Variants in EFHD2 observed in about 807,000 individuals in gnomAD.
The protein encoded by EFHD2 is EF-hand domain family member D2.
In EFHD2, 12 loss-of-function variants were observed where a neutral mutation model predicts 20.3. The ratio of observed to expected loss-of-function variants is 0.59; its 90% CI spans 0.38 to 0.96. The LOEUF (loss-of-function observed/expected upper bound fraction) is 0.96. Ranked by LOEUF, EFHD2 falls within the 40% of genes least tolerant of loss-of-function variation. The pLI is 0.00. For synonymous variants in EFHD2, 131 were observed against 143.9 expected (o/e 0.91, Z 0.64); for missense variants, 250 against 334.3 (o/e 0.75, Z 1.97).
At position 15,430,296 on chromosome 1, in the gene EFHD2, G is replaced by C. The variant is rs962243475; in HGVS notation, c.*1572G>C. 1 of 149,104 alleles carries C rather than the reference G, an allele frequency of 6.7e-6. No individual in the cohort carries two copies. Among genetic ancestry groups the C allele is most frequent in the Non-Finnish European group, 1.5e-5 (1 of 67,694 alleles). The allele number at this position is 149,104 out of a possible 1,614,324, so 9.2% of individuals were successfully genotyped here. On this transcript the variant is annotated 3_prime_UTR_variant, in exon 4 of 4. Coordinates refer to ENST00000375980, the MANE Select transcript of EFHD2 (RefSeq NM_024329.6). ...AAGCTACTTCTTCATTCCGTGGTACGATTATTTTTTTTAACTAAAGGAAGA... is the reference window on the plus strand; with the variant it reads ...AAGCTACTTCTTCATTCCGTGGTACCATTATTTTTTTTAACTAAAGGAAGA...
rs970959355 is a variant in EFHD2 at position 15,428,824 on chromosome 1, C to G, written c.*100C>G. 6.3e-5 allele frequency: 96 copies of G among 1,512,612 alleles called. No individual in the cohort carries two copies. Among genetic ancestry groups the G allele is most frequent in the Non-Finnish European group, 7.9e-5 (89 of 1,121,580 alleles). 93.7% of individuals were successfully genotyped at this position (1,512,612 alleles called of 1,614,324 possible). A position where few individuals can be genotyped will look rare whatever the true frequency, so the allele number is the denominator to read the frequency against. ...AATCCTTGCCTGTGTCTGACGGGAC[C>G]ACTACTAAAAACCTAAAAATATCTG... On this transcript the variant is annotated 3_prime_UTR_variant, in exon 4 of 4. Transcript: ENST00000375980.
chr1:15,422,304 G>T (rs1707806218), intron 1 of EFHD2, among the ~76,000 whole-genome samples: 1 of 151,522 alleles, frequency 6.6e-6, no homozygotes, highest in Non-Finnish European at 1.5e-5. Flanking sequence ...TGTTGGCCAG[G>T]ATGGTCTTGA....
chr1:15,425,771 G>T, intron 1 of EFHD2, 100 bp from the exon 2 acceptor site: 1 of 1,490,334 alleles, frequency 6.7e-7, no homozygotes, highest in East Asian at 2.5e-5. Context: ...TTTTATGGTT[G>T]GTAGGAGATG....
intron 1 of EFHD2, 62 bp from the exon 2 acceptor site, chr1:15,425,809 T>C: frequency 6.4e-7 from 1 of 1,573,064 alleles, no homozygotes; most frequent in South Asian, 1.2e-5. Context: ...CTCCTTGCAC[T>C]CAAGCCTGCG....
chr1:15,413,607 A>T lies in EFHD2; in HGVS notation c.308+3328A>T, dbSNP rs1372397802. Among the ~76,000 whole-genome samples the T allele has an allele frequency of 6.6e-6, 1 of 152,154 alleles. No homozygotes were observed. Among genetic ancestry groups the T allele is most frequent in the Admixed American group, 6.5e-5 (1 of 15,282 alleles). ...CAGCCATCACTGGTCTCACACCTAG[A>T]GTCATTCAGGTTCCTCCTGAGAGAG... On this transcript the variant is annotated intron_variant, in intron 1 of 3. Transcript: ENST00000375980. This position sits in a 1 kb window ranked among gnomAD's most constrained non-coding sequence, Gnocchi z 4.4.
intron 1 of EFHD2, among the ~76,000 whole-genome samples, chr1:15,417,631 G>A (rs1707698206): frequency 6.6e-6 from 1 of 152,214 alleles, no homozygotes; most frequent in Admixed American, 6.5e-5. Context: ...GAGATCAAGT[G>A]TGAGATTCCC....
chr1:15,418,711 A>C (rs1408768907), intron 1 of EFHD2, among the ~76,000 whole-genome samples: 1 of 152,220 alleles, frequency 6.6e-6, no homozygotes, highest in Non-Finnish European at 1.5e-5. Flanking sequence ...CTGCATCAGG[A>C]ATCTGATTTT....
chr1:15,427,229 A>G lies in EFHD2; in HGVS notation c.536A>G (p.Glu179Gly), dbSNP rs1264845848. ...CTGTGCGTGCTGGCCCGCCTCTCTG[A>G]GATCGACGTCTCCAGTGAGGGTGTC... ...SGLCVLARLS[E>G]IDVSSEGVKG... The change falls in exon 3 of 4, where the codon GAG (glutamate) becomes GGG (glycine). Residue 179 changes from glutamate (E) to glycine (G), a missense_variant. This residue lies in a region of EFHD2 where 100 missense variants were observed against 116.2 expected (regional missense o/e 0.86). Coordinates refer to ENST00000375980, the MANE Select transcript of EFHD2 (RefSeq NM_024329.6). 1 of 1,609,298 alleles carries G rather than the reference A, an allele frequency of 6.2e-7. No individual in the cohort carries two copies. The highest frequency in any genetic ancestry group is 1.7e-5 in the Admixed American group (1 of 59,234).
chr1:15,410,106 C>T lies in EFHD2; in HGVS notation c.135C>T (p.Ala45=). The T allele has an allele frequency of 1.3e-6, 2 of 1,497,364 alleles. No individual in the cohort carries two copies. Among genetic ancestry groups the T allele is most frequent in the Non-Finnish European group, 1.8e-6 (2 of 1,128,876 alleles). The allele number at this position is 1,497,364 out of a possible 1,614,324, so 92.8% of individuals were successfully genotyped here. The change falls in exon 1 of 4, where the codon GCC becomes GCT. Residue 45 remains alanine (A), a synonymous_variant. Coordinates refer to ENST00000375980, the MANE Select transcript of EFHD2 (RefSeq NM_024329.6). ...CGGCGGGGGCACCCGACGAGGCGGCCGAGGCGCTGGGCAGCGCGGACTGCG... is the reference window on the plus strand; with the variant it reads ...CGGCGGGGGCACCCGACGAGGCGGCTGAGGCGCTGGGCAGCGCGGACTGCG... The part of the protein sequence containing the change: ...AAAAGAPDEA[A]EALGSADCEL...
Position 15,428,779 on chromosome 1 carries a change from C to A in EFHD2, c.*55C>A. On this transcript the variant is annotated 3_prime_UTR_variant, in exon 4 of 4. Coordinates refer to ENST00000375980, the MANE Select transcript of EFHD2 (RefSeq NM_024329.6). ...GCCCCAGTGTGGTGGGCGAGGGTGG[C>A]GCATGGGAGGCCGAGCCTGAATCCT... 1.3e-6 allele frequency: 2 copies of A among 1,548,716 alleles called. No individual in the cohort carries two copies. The highest frequency in any genetic ancestry group is 1.7e-6 in the Non-Finnish European group (2 of 1,146,318).
intron 1 of EFHD2, among the ~76,000 whole-genome samples, chr1:15,421,059 T>G (rs1261628530): frequency 6.6e-6 from 1 of 152,198 alleles, no homozygotes; most frequent in Non-Finnish European, 1.5e-5. Context: ...GCCAAGAGTC[T>G]GCTTGTATCG....
At position 15,430,194 on chromosome 1, in the gene EFHD2, GT is replaced by G. The variant is rs200639825; in HGVS notation, c.*1477del. ...ATGTTTATACAGATGAATATAAAAT[GT>G]TTTTTTCTTTGGGCTTTTTGCTTCT... On this transcript the variant is annotated 3_prime_UTR_variant, in exon 4 of 4. Coordinates refer to ENST00000375980, the MANE Select transcript of EFHD2 (RefSeq NM_024329.6). 1,239 of 152,548 alleles carry G rather than the reference GT, an allele frequency of 8.1e-3. 10 individuals are homozygous for G. The highest frequency in any genetic ancestry group is 0.012 in the Non-Finnish European group (845 of 68,162). The allele number at this position is 152,548 out of a possible 1,614,324, so 9.4% of individuals were successfully genotyped here. A position where few individuals can be genotyped will look rare whatever the true frequency, so the allele number is the denominator to read the frequency against.
At chr1:15,427,925 C>T (rs746354870) in intron 3 of EFHD2, 8 of 469,960 alleles carry the variant, frequency 1.7e-5, no homozygotes, top group South Asian at 1.1e-4. Context: ...CTGGGCTCCC[C>T]GGACAGGAAG....
intron 1 of EFHD2, among the ~76,000 whole-genome samples, chr1:15,418,548 G>T (rs555149578): frequency 6.6e-6 from 1 of 151,800 alleles, no homozygotes; most frequent in Non-Finnish European, 1.5e-5. Context: ...CTTGTGATCC[G>T]CCCGCCTTGG....
At chr1:15,417,993 T>C (rs1259850844) in intron 1 of EFHD2, among the ~76,000 whole-genome samples, 1 of 141,308 alleles carries the variant, frequency 7.1e-6, no homozygotes, top group African/African-American at 2.6e-5. Context: ...TTTTTTTTTT[T>C]TTTTTTTTTT....
At chr1:15,416,163 C>T (rs1707666245) in intron 1 of EFHD2, among the ~76,000 whole-genome samples, 1 of 151,936 alleles carries the variant, frequency 6.6e-6, no homozygotes, top group African/African-American at 2.4e-5. Flanking sequence ...TTTGGTTCCT[C>T]TTTGGTCCAC....
intron 3 of EFHD2, among the ~76,000 whole-genome samples, 160 bp downstream of exon 3, chr1:15,427,444 T>A (rs1270512727): frequency 6.6e-6 from 1 of 152,208 alleles, no homozygotes; most frequent in African/African-American, 2.4e-5. Context: ...CTCTGTCTTC[T>A]GTCTTCTCCC....
chr1:15,416,978 T>C (rs1215368574), intron 1 of EFHD2, among the ~76,000 whole-genome samples: 4 of 151,900 alleles, frequency 2.6e-5, no homozygotes, highest in African/African-American at 7.3e-5. Context: ...TCCAGCTAAT[T>C]TTTTTTTATT....
rs547755478 is a variant in EFHD2, at chr1:15,426,120, C to T, written c.456+102C>T. 2 of 1,262,882 alleles carry T rather than the reference C, an allele frequency of 1.6e-6. No homozygotes were observed. The highest frequency in any genetic ancestry group is 3.5e-5 in the South Asian group (2 of 57,296). The allele number at this position is 1,262,882 out of a possible 1,614,324, so 78.2% of individuals were successfully genotyped here. The stretch of plus-strand genomic sequence containing the variant: ...CCACCCTTTGTCAATGAATGAATGA[C>T]ATTGCCATTGAACAGCAGCTGTGAG... On this transcript the variant is annotated intron_variant, in intron 2 of 3. Coordinates refer to ENST00000375980, the MANE Select transcript of EFHD2 (RefSeq NM_024329.6). This position sits in a 1 kb window ranked among gnomAD's most constrained non-coding sequence, Gnocchi z 4.6.
Sources: gnomAD v4.1 joint callset for allele counts (sites outside exome capture counted in the v4.1 genomes callset) on GRCh38, gnomAD v4.1.1 for gene constraint, gnomAD v4.1.1 regional missense constraint, Gnocchi (gnomAD v3.1) non-coding constraint, MANE v1.5 for transcripts, NCBI Gene and HGNC (gene_info 2026-07-23, HGNC 2026-07-21) for gene names.